The following KCNIP4 variants were observed in gnomAD, a reference collection of about 807,000 sequenced individuals.
KCNIP4 encodes Kv channel-interacting protein 4.
In KCNIP4, 12 loss-of-function variants were observed where a neutral mutation model predicts 34.0. The ratio of observed to expected loss-of-function variants is 0.35; its 90% CI spans 0.23 to 0.57. The LOEUF is 0.57. Ranked by LOEUF, KCNIP4 falls within the 20% of genes least tolerant of loss-of-function variation. The probability of loss-of-function intolerance (pLI) is 0.83; values close to 1 mark genes in which losing one functional copy is unlikely to be tolerated. For missense variants in KCNIP4, 238 were observed against 311.7 expected, an observed-to-expected ratio of 0.76 and a Z score of 1.78; for synonymous variants, 124 against 102.2, an observed-to-expected ratio of 1.21 and a Z score of -1.29.
chr4:21,214,585 G>T (rs1243613916), intron 1 of KCNIP4, among the ~76,000 whole-genome samples: 1 of 152,116 alleles, frequency 6.6e-6, no homozygotes, highest in East Asian at 1.9e-4. Flanking sequence ...ATCTTTGTCA[G>T]AAAGAATTTT....
chr4:20,824,877 G>T (rs181625694), intron 3 of KCNIP4, among the ~76,000 whole-genome samples: 1 of 151,958 alleles, frequency 6.6e-6, no homozygotes, highest in East Asian at 1.9e-4. Context: ...AGATAACTTG[G>T]TTTTGAAGAA....
At chr4:21,715,233 G>A (rs1027856471) in intron 1 of KCNIP4, among the ~76,000 whole-genome samples, 12 of 151,190 alleles carry the variant, frequency 7.9e-5, no homozygotes, top group Non-Finnish European at 1.2e-4. Context: ...CCAGGTTCAC[G>A]CCATTCTCCT....
rs554285540 is a variant in KCNIP4 at position 20,732,933 on chromosome 4, AG to A, written c.538-149del. The A allele has an allele frequency of 3.1e-4, 178 of 578,426 alleles. No individual in the cohort carries two copies. The African/African-American group carries it at 3.2e-3, about 10-fold the overall frequency. The allele number at this position is 578,426 out of a possible 1,614,324, so 35.8% of individuals were successfully genotyped here. A position where few individuals can be genotyped will look rare whatever the true frequency, so the allele number is the denominator to read the frequency against. On this transcript the variant is annotated intron_variant, in intron 6 of 8. Transcript: ENST00000382152. ...GTTAGACGACTGTTGGTTGTCCCAA[AG>A]GAAAAGGCAACAAACAGCTTTCTGC...
In KCNIP4 at chr4:21,172,080, T is replaced by G. The variant is rs79656577; in HGVS notation, c.62-289371A>C. On this transcript the variant is annotated intron_variant, in intron 1 of 8. Coordinates refer to ENST00000382152, the MANE Select transcript of KCNIP4 (RefSeq NM_025221.6). ...TCTCACTCTGTTGCCAAGGCTGCAG[T>G]GCAGTGGCGTGATCTTGGCTCACTG... 4.9e-3 allele frequency among the ~76,000 whole-genome samples: 745 copies of G among 152,302 alleles called. 3 individuals carry two copies. Among genetic ancestry groups the G allele is most frequent in the African/African-American group, 0.016 (646 of 41,562 alleles).
chr4:21,919,488 T>C (rs1728823017), intron 1 of KCNIP4, among the ~76,000 whole-genome samples: 1 of 152,200 alleles, frequency 6.6e-6, no homozygotes, highest in Non-Finnish European at 1.5e-5. Context: ...GACAGCCCAA[T>C]GGATGAACCA....
intron 1 of KCNIP4, among the ~76,000 whole-genome samples, chr4:21,291,720 G>C (rs550904419): frequency 1.6e-4 from 24 of 151,882 alleles, no homozygotes; most frequent in Non-Finnish European, 3.2e-4. Flanking sequence ...CAGGCATGGT[G>C]GTGGGCGCCT....
At chr4:21,013,738 T>C (rs1278004082) in intron 1 of KCNIP4, among the ~76,000 whole-genome samples, 2 of 152,286 alleles carry the variant, frequency 1.3e-5, no homozygotes, top group East Asian at 1.9e-4. Flanking sequence ...GTGCCTGAAA[T>C]TGGAATTTGG....
intron 1 of KCNIP4, among the ~76,000 whole-genome samples, chr4:21,674,117 A>G (rs545511193): frequency 6.6e-6 from 1 of 152,330 alleles, no homozygotes; most frequent in South Asian, 2.1e-4. Context: ...AATATTAATG[A>G]CTTGTCAGCA....
At chr4:21,604,381 C>G (rs1743467638) in intron 1 of KCNIP4, among the ~76,000 whole-genome samples, 1 of 152,150 alleles carries the variant, frequency 6.6e-6, no homozygotes. Flanking sequence ...TTTAAGTAAT[C>G]TGACCATGTT....
intron 1 of KCNIP4, among the ~76,000 whole-genome samples, chr4:21,691,691 C>CTTTTTTTTTTTTTTT (rs36004947): frequency 1.1e-4 from 11 of 103,144 alleles, no homozygotes; most frequent in Non-Finnish European, 1.3e-4. Flanking sequence ...AAACGCAGCT[C>CTTTTTTTTTTTTTTT]TTTTTTTTTT....
At chr4:21,938,842 T>G (rs1730036829) in intron 1 of KCNIP4, among the ~76,000 whole-genome samples, 1 of 152,170 alleles carries the variant, frequency 6.6e-6, no homozygotes, top group Non-Finnish European at 1.5e-5. Context: ...TTTAAATGTT[T>G]AATTCCTATA....
chr4:21,748,603 G>A (rs1000246141), intron 1 of KCNIP4, among the ~76,000 whole-genome samples: 6 of 152,116 alleles, frequency 3.9e-5, no homozygotes, highest in Non-Finnish European at 7.4e-5. Flanking sequence ...CATGAAGACC[G>A]AATTTATACC....
intron 3 of KCNIP4, among the ~76,000 whole-genome samples, chr4:20,837,816 G>A (rs1418329550): frequency 2.6e-5 from 4 of 151,232 alleles, no homozygotes; most frequent in Non-Finnish European, 5.9e-5. Context: ...CGAGTAGCTG[G>A]GACTACAGGC....
chr4:21,065,534 A>G (rs1299057473), intron 1 of KCNIP4, among the ~76,000 whole-genome samples: 1 of 151,964 alleles, frequency 6.6e-6, no homozygotes, highest in Non-Finnish European at 1.5e-5. Context: ...CGATTATTAT[A>G]ATGTACTGCT....
intron 1 of KCNIP4, among the ~76,000 whole-genome samples, chr4:21,177,238 C>G (rs1007699225): frequency 6.6e-6 from 1 of 152,022 alleles, no homozygotes; most frequent in Non-Finnish European, 1.5e-5. Flanking sequence ...AAGAGATTTG[C>G]TATATACTCA....
chr4:20,981,307 A>G lies in KCNIP4; in HGVS notation c.62-98598T>C, dbSNP rs532439712. Among the ~76,000 whole-genome samples the G allele has an allele frequency of 2.6e-5, 4 of 152,314 alleles. No homozygotes were observed. The East Asian group carries it at 7.7e-4, about 29-fold the overall frequency. Reference sequence around the variant, plus strand: ...GTCTGGCTTAGCTCATTTATATCCCATGCTTGGGTCCCATTCCTGGGTTGA... The same window carrying G: ...GTCTGGCTTAGCTCATTTATATCCCGTGCTTGGGTCCCATTCCTGGGTTGA... On this transcript the variant is annotated intron_variant, in intron 1 of 8. Coordinates refer to ENST00000382152, the MANE Select transcript of KCNIP4 (RefSeq NM_025221.6).
chr4:21,904,789 C>T (rs1727901958), intron 1 of KCNIP4, among the ~76,000 whole-genome samples: 2 of 152,134 alleles, frequency 1.3e-5, no homozygotes, highest in South Asian at 2.1e-4. Flanking sequence ...GCATGACAAG[C>T]CTCCATCCAA....
intron 1 of KCNIP4, among the ~76,000 whole-genome samples, chr4:20,898,203 C>T (rs1726769688): frequency 6.6e-6 from 1 of 152,134 alleles, no homozygotes; most frequent in Non-Finnish European, 1.5e-5. Context: ...TTGATTATGC[C>T]ACTGACTTTC....
intron 1 of KCNIP4, among the ~76,000 whole-genome samples, chr4:21,064,876 G>A (rs1265254477): frequency 6.6e-6 from 1 of 152,148 alleles, no homozygotes; most frequent in Non-Finnish European, 1.5e-5. Flanking sequence ...AATCTCTCAA[G>A]ACAGATAGTA....
Sources: allele counts gnomAD v4.1 joint callset (sites outside exome capture counted in the v4.1 genomes callset), GRCh38; gene constraint gnomAD v4.1.1; transcripts MANE v1.5; gene names NCBI Gene and HGNC (gene_info 2026-07-23, HGNC 2026-07-21).